Variants in STXBP5L observed in about 807,000 individuals in gnomAD.
The protein encoded by STXBP5L is syntaxin binding protein 5L.
In STXBP5L, 65 loss-of-function variants were observed where a neutral mutation model predicts 144.5. That is an observed-to-expected ratio of 0.45 (90% CI 0.37 to 0.55). The LOEUF (loss-of-function observed/expected upper bound fraction) is 0.55, where lower values mean the gene tolerates loss of function less well. Ranked by LOEUF, STXBP5L falls within the 20% of genes least tolerant of loss-of-function variation. STXBP5L has a pLI of 0.00. For missense variants in STXBP5L, 1,298 were observed against 1,405.5 expected (o/e 0.92, Z 1.22); for synonymous variants, 505 against 469.6 (o/e 1.08, Z -0.97).
At chr3:121,070,230 G>T (rs1560088675) in intron 5 of STXBP5L, among the ~76,000 whole-genome samples, 1 of 152,198 alleles carries the variant, frequency 6.6e-6, no homozygotes, top group East Asian at 1.9e-4. Context: ...AGTTACAGAA[G>T]CAAGAAACAA....
intron 3 of STXBP5L, among the ~76,000 whole-genome samples, chr3:120,975,589 G>T (rs1337929424): frequency 6.6e-6 from 1 of 152,114 alleles, no homozygotes; most frequent in Non-Finnish European, 1.5e-5. Flanking sequence ...TGTTGAATAG[G>T]AGTGGTGAGA....
At chr3:120,952,515 T>A (rs1333288638) in intron 2 of STXBP5L, among the ~76,000 whole-genome samples, 1 of 152,086 alleles carries the variant, frequency 6.6e-6, no homozygotes, top group African/African-American at 2.4e-5. Context: ...TTTATTTTTT[T>A]AATATTTCAC....
intron 5 of STXBP5L, among the ~76,000 whole-genome samples, chr3:121,081,614 A>G (rs1418642414): frequency 6.6e-6 from 1 of 152,120 alleles, no homozygotes; most frequent in Non-Finnish European, 1.5e-5. Context: ...CTCATAGTGT[A>G]TACTTTTTTT....
At chr3:121,098,495 T>C (rs1286969349) in intron 5 of STXBP5L, among the ~76,000 whole-genome samples, 1 of 152,198 alleles carries the variant, frequency 6.6e-6, no homozygotes, top group Non-Finnish European at 1.5e-5. Context: ...GTTCTGACTC[T>C]ATAAGATTAG....
chr3:121,078,182 G>T (rs959836460), intron 5 of STXBP5L, among the ~76,000 whole-genome samples: 1 of 152,114 alleles, frequency 6.6e-6, no homozygotes, highest in African/African-American at 2.4e-5. Context: ...CTAGACACAG[G>T]GTGCAGATTG....
intron 3 of STXBP5L, among the ~76,000 whole-genome samples, chr3:120,962,536 C>A (rs1938974052): frequency 6.6e-6 from 1 of 152,168 alleles, no homozygotes; most frequent in South Asian, 2.1e-4. Flanking sequence ...AATAGGGAAT[C>A]CTTTCCCCAT....
At chr3:121,342,215 A>C (rs1207853002) in intron 20 of STXBP5L, among the ~76,000 whole-genome samples, 1 of 152,176 alleles carries the variant, frequency 6.6e-6, no homozygotes, top group African/African-American at 2.4e-5. Context: ...GATCAACTGC[A>C]TAAACATTTC....
chr3:121,148,140 C>T (rs376108871), intron 7 of STXBP5L, among the ~76,000 whole-genome samples: 57 of 151,894 alleles, frequency 3.8e-4, no homozygotes, highest in African/African-American at 9.2e-4. Context: ...TCTAATTTTT[C>T]GGAGAACCTT....
chr3:121,073,704 C>T (rs568454815), intron 5 of STXBP5L, among the ~76,000 whole-genome samples: 2 of 152,308 alleles, frequency 1.3e-5, no homozygotes, highest in South Asian at 4.1e-4. Context: ...AGGAGGGATT[C>T]TTCCCCCCTG....
At chr3:120,928,639 A>AGT (rs71133519) in intron 2 of STXBP5L, among the ~76,000 whole-genome samples, 24,430 of 147,070 alleles carry the variant, frequency 0.17, 2,062 homozygotes, top group Non-Finnish European at 0.2. Context: ...TGGTATACAG[A>AGT]GTGTGTGTGT....
At chr3:120,986,363 C>T (rs980084953) in intron 3 of STXBP5L, among the ~76,000 whole-genome samples, 2 of 151,714 alleles carry the variant, frequency 1.3e-5, no homozygotes, top group Admixed American at 6.6e-5. Flanking sequence ...ATGGTTTGGT[C>T]GAGTGTTCTG....
chr3:121,085,498 G>A (rs1308207129), intron 5 of STXBP5L, among the ~76,000 whole-genome samples: 1 of 152,072 alleles, frequency 6.6e-6, no homozygotes, highest in Non-Finnish European at 1.5e-5. Flanking sequence ...CAAAATAAAT[G>A]TGCAAAAATC....
At chr3:121,185,099 A>C (rs1487243746) in intron 9 of STXBP5L, among the ~76,000 whole-genome samples, 2 of 152,232 alleles carry the variant, frequency 1.3e-5, no homozygotes, top group African/African-American at 4.8e-5. Flanking sequence ...TGGCCACTGC[A>C]AAAACATACC....
At chr3:121,314,409 C>A (rs1442960948) in intron 19 of STXBP5L, among the ~76,000 whole-genome samples, 1 of 128,328 alleles carries the variant, frequency 7.8e-6, no homozygotes, top group Non-Finnish European at 1.6e-5. Flanking sequence ...CCGGCCAACA[C>A]AGTGAAACCC....
At chr3:121,311,640 G>A (rs1010985277) in intron 19 of STXBP5L, among the ~76,000 whole-genome samples, 12 of 151,874 alleles carry the variant, frequency 7.9e-5, no homozygotes, top group South Asian at 2.1e-4. Context: ...TACAAGGGAC[G>A]TGAAGGACCT....
At chr3:121,060,721 A>T (rs9832562) in intron 5 of STXBP5L, among the ~76,000 whole-genome samples, 15,452 of 152,198 alleles carry the variant, frequency 0.1, 1,034 homozygotes, top group Non-Finnish European at 0.15. Flanking sequence ...GTGTTCAGGA[A>T]TTTATCCATT....
chr3:120,911,991 AC>A (rs1233258344), intron 2 of STXBP5L, among the ~76,000 whole-genome samples: 4 of 151,950 alleles, frequency 2.6e-5, no homozygotes, highest in Non-Finnish European at 5.9e-5. Context: ...GGGTGCTTCT[AC>A]CTTTTCAACA....
rs1034829703 is a variant in STXBP5L, at chr3:121,378,800, T to C, written c.2261T>C (p.Val754Ala). 2 of 1,613,752 alleles carry C rather than the reference T, an allele frequency of 1.2e-6. No individual in the cohort carries two copies. Among genetic ancestry groups the C allele is most frequent in the Admixed American group, 3.3e-5 (2 of 59,882 alleles). Reference protein sequence around the residue: ...KRLSSADVSKVNRWGPGRPPF... With the variant: ...KRLSSADVSKANRWGPGRPPF... ...CTTTCTAGTGCCGATGTTTCAAAAG[T>C]AAATCGCTGGGGTCCTGGAAGACCA... The change falls in exon 21 of 27, where the codon GTA becomes GCA. Residue 754 changes from valine to alanine, a missense_variant. Physicochemically the swap from Val to Ala is moderately conservative, Grantham distance 64. Transcript: ENST00000471454.
At chr3:121,258,567 T>C (rs1054588479) in intron 17 of STXBP5L, among the ~76,000 whole-genome samples, 1 of 152,108 alleles carries the variant, frequency 6.6e-6, no homozygotes, top group African/African-American at 2.4e-5. Context: ...GTAGCATCAG[T>C]AGTATTTGAT....
Sources: gnomAD v4.1 joint callset for allele counts (sites outside exome capture counted in the v4.1 genomes callset) on GRCh38, gnomAD v4.1.1 for gene constraint, MANE v1.5 for transcripts, NCBI Gene and HGNC (gene_info 2026-07-23, HGNC 2026-07-21) for gene names.